The following DNAH1 variants were observed in gnomAD, a reference collection of about 807,000 sequenced individuals.
DNAH1 encodes the protein dynein axonemal heavy chain 1.
In DNAH1, 327 loss-of-function variants were observed where a neutral mutation model predicts 484.3. The observed-to-expected ratio is 0.68, with a 90% CI of 0.62 to 0.74. The LOEUF (loss-of-function observed/expected upper bound fraction) is 0.74, where lower values mean the gene tolerates loss of function less well. Ranked by LOEUF, DNAH1 falls within the 30% of genes least tolerant of loss-of-function variation. DNAH1 has a pLI of 0.00. For synonymous variants in DNAH1, 2,192 were observed against 2,191.9 expected (o/e 1.00, Z 0.00); for missense variants, 5,052 against 5,546.8 (o/e 0.91, Z 2.83).
At chr3:52,370,873 T>C (rs768565576) in intron 41 of DNAH1, 48 bp downstream of exon 41, 1 of 1,535,132 alleles carries the variant, frequency 6.5e-7, no homozygotes, top group South Asian at 1.2e-5. Context: ...GACCACTGGG[T>C]GGCTGCTGTT....
chr3:52,386,635 T>C, intron 55 of DNAH1, 27 bp from the exon 56 acceptor site: 1 of 1,536,256 alleles, frequency 6.5e-7, no homozygotes, highest in Non-Finnish European at 8.8e-7. Context: ...GGTCTGAGTC[T>C]TCCCCACTTG....
intron 34 of DNAH1, among the ~76,000 whole-genome samples, chr3:52,365,578 A>T (rs142072426): frequency 6.6e-6 from 1 of 152,068 alleles, no homozygotes; most frequent in African/African-American, 2.4e-5. Context: ...ACTCCCTCTC[A>T]TCCCGAACCC....
At chr3:52,387,526 G>A (rs1369675476) in intron 56 of DNAH1, among the ~76,000 whole-genome samples, 1 of 152,166 alleles carries the variant, frequency 6.6e-6, no homozygotes, top group Non-Finnish European at 1.5e-5. Flanking sequence ...CATTTAAGCA[G>A]CATCTGGACC....
chr3:52,346,654 C>T lies in DNAH1; in HGVS notation c.1839C>T (p.Phe613=). The T allele has an allele frequency of 4.3e-6, 7 of 1,614,084 alleles. No homozygotes were observed. Among genetic ancestry groups the T allele is most frequent in the Non-Finnish European group, 5.9e-6 (7 of 1,179,898 alleles). Residue 613 remains phenylalanine (F), a synonymous_variant, in exon 11 of 78, where the codon TTC becomes TTT. Coordinates refer to ENST00000420323, the MANE Select transcript of DNAH1 (RefSeq NM_015512.5). The stretch of plus-strand genomic sequence containing the variant: ...ACATGCTGCAGGACACACTGCGCTT[C>T]CTGGTGCAGGACTCACTTGCCAGCT... ...VKYMLQDTLR[F]LVQDSLASFS...
intron 8 of DNAH1, among the ~76,000 whole-genome samples, chr3:52,342,125 G>A (rs79810422): frequency 0.018 from 2,738 of 152,350 alleles, 59 homozygotes; most frequent in Non-Finnish European, 0.019. Flanking sequence ...GGAAGAAGAG[G>A]ATTCTGGCAG....
chr3:52,385,421 A>C lies in DNAH1; in HGVS notation c.8599A>C (p.Thr2867Pro). The part of the protein sequence containing the change: ...HPLLEEAAKD[T>P]MLTMEQIKVD... ...CCTGCTGGAGGAGGCTGCCAAGGAC[A>C]CCATGCTCACCATGGAGCAGATCAA... The change falls in exon 54 of 78, where the codon ACC (threonine) becomes CCC (proline). Residue 2867 changes from threonine to proline, a missense_variant. Physicochemically the swap from Thr to Pro is conservative, Grantham distance 38 (BLOSUM62 -1). Around this residue, in one of 4 missense-constraint regions of DNAH1, gnomAD observed 2,929 missense variants for 3,409.4 expected, o/e 0.86. Transcript: ENST00000420323. 1 of 1,551,992 alleles carries C rather than the reference A, an allele frequency of 6.4e-7. No homozygotes were observed. Among genetic ancestry groups the C allele is most frequent in the Non-Finnish European group, 8.7e-7 (1 of 1,147,166 alleles).
At chr3:52,378,825 C>T (rs569327509) in intron 47 of DNAH1, 45 bp downstream of exon 47, 62 of 1,607,812 alleles carry the variant, frequency 3.9e-5, no homozygotes, top group Middle Eastern at 1.7e-4. Flanking sequence ...CACTGCTCTC[C>T]GCATCCTCCC....
At chr3:52,348,846 G>T in intron 12 of DNAH1, 42 bp from the exon 13 acceptor site, 1 of 1,596,000 alleles carries the variant, frequency 6.3e-7, no homozygotes, top group Non-Finnish European at 8.5e-7. Flanking sequence ...TTCACCCCCT[G>T]GCTCATCCAG....
Position 52,370,522 on chromosome 3 carries a change from T to G in DNAH1, c.6304T>G (p.Leu2102Val), listed in dbSNP as rs1193534105. 1 of 1,613,644 alleles carries G rather than the reference T, an allele frequency of 6.2e-7. No homozygotes were observed. Among genetic ancestry groups the G allele is most frequent in the Non-Finnish European group, 8.5e-7 (1 of 1,179,860 alleles). ...PSEKLSRIVE[L>V]IEPWFIFSLI... ...TGAAAAGCTGAGTCGCATCGTAGAG[T>G]TGATCGAGCCCTGGTTCATCTTCTC... Residue 2102 changes from leucine (L) to valine (V), a missense_variant, in exon 40 of 78, where the codon TTG (leucine) becomes GTG (valine). Leu to Val is a conservative substitution (Grantham distance 32). Transcript: ENST00000420323.
chr3:52,389,470 C>A lies in DNAH1; in HGVS notation c.9505C>A (p.Arg3169Ser). 2 of 1,610,676 alleles carry A rather than the reference C, an allele frequency of 1.2e-6. No individual in the cohort carries two copies. Among genetic ancestry groups the A allele is most frequent in the Non-Finnish European group, 1.7e-6 (2 of 1,178,686 alleles). ...TCTGGCATCTCCCCAGGGCCAGTAC[C>A]GCACGGTGCTCTACGACAGCTGGGT... ...AYLGPFTGQY[R>S]TVLYDSWVKQ... Residue 3169 changes from arginine to serine, a missense_variant, in exon 60 of 78, where the codon CGC becomes AGC. Coordinates refer to ENST00000420323, the MANE Select transcript of DNAH1 (RefSeq NM_015512.5).
chr3:52,358,829 G>T lies in DNAH1; in HGVS notation c.4266+92G>T. ...CTGCTCTAGCCGGCCTCGTCCTCAG[G>T]CTGCAGCCCTGAGGTCCCTGGGGGC... On this transcript the variant is annotated intron_variant, in intron 25 of 77. Transcript: ENST00000420323. The surrounding 1 kb of genome is among the most constrained non-coding windows in gnomAD (Gnocchi z 4.2). 2.0e-6 allele frequency: 3 copies of T among 1,501,726 alleles called. No homozygotes were observed. In the South Asian group the frequency reaches 3.6e-5, roughly 18 times the overall value. 93.0% of individuals were successfully genotyped at this position (1,501,726 alleles called of 1,614,324 possible).
chr3:52,311,564 A>G (rs1413621287), upstream of DNAH1, among the ~76,000 whole-genome samples: 1 of 152,078 alleles, frequency 6.6e-6, no homozygotes, highest in Admixed American at 6.5e-5. Context: ...GCCTTTTTGC[A>G]TCTCCAGTTT....
In DNAH1 at chr3:52,359,302, C is replaced by T. The variant is rs1295913708; in HGVS notation, c.4323C>T (p.Cys1441=). Residue 1441 remains cysteine, a synonymous_variant, in exon 26 of 78, where the codon TGC becomes TGT. Coordinates refer to ENST00000420323, the MANE Select transcript of DNAH1 (RefSeq NM_015512.5). ...CTGGCCAGGTGACCATCGCTGGGTG[C>T]CAGACCTACTGGACCATGGAGGTGG... ...NWPGQVTIAG[C]QTYWTMEVAE... 4.5e-6 allele frequency: 7 copies of T among 1,569,168 alleles called. No individual in the cohort carries two copies. Among genetic ancestry groups the T allele is most frequent in the East Asian group, 2.4e-5 (1 of 42,366 alleles).
At chr3:52,398,706 G>A in intron 75 of DNAH1, 144 bp from the exon 76 acceptor site, 1 of 664,544 alleles carries the variant, frequency 1.5e-6, no homozygotes, top group Non-Finnish European at 2.4e-6. Context: ...GCTGGGATTT[G>A]TACCCAGGCC....
rs757059388 is a variant in DNAH1 at position 52,351,950 on chromosome 3, C to T, written c.2730-12C>T. On this transcript the variant is annotated splice_polypyrimidine_tract_variant and intron_variant, in intron 16 of 77. Transcript: ENST00000420323. ...CGATATTTCTCCCAATCCCCACCCC[C>T]ATCCCGGCCAGATGGATTGCCAGCA... is the stretch of plus-strand genomic sequence containing the variant. 2 of 1,597,476 alleles carry T rather than the reference C, an allele frequency of 1.3e-6. No homozygotes were observed. Among genetic ancestry groups the T allele is most frequent in the African/African-American group, 1.3e-5 (1 of 74,526 alleles).
Position 52,323,679 on chromosome 3 carries a change from C to A in DNAH1, c.334-129C>A, listed in dbSNP as rs777863085. 159 of 632,662 alleles carry A rather than the reference C, an allele frequency of 2.5e-4. 1 individual carries two copies. The highest frequency in any genetic ancestry group is 1.9e-3 in the Middle Eastern group (6 of 3,186). The allele number at this position is 632,662 out of a possible 1,614,324, so 39.2% of individuals were successfully genotyped here. A position where few individuals can be genotyped will look rare whatever the true frequency, so the allele number is the denominator to read the frequency against. On this transcript the variant is annotated intron_variant, in intron 2 of 77. Transcript: ENST00000420323. ...GAATTGTGCATACTCACTGGTTCTGCCCACTCCTGTGCTCCTGGAGTGCTC... is the reference window on the plus strand; with the variant it reads ...GAATTGTGCATACTCACTGGTTCTGACCACTCCTGTGCTCCTGGAGTGCTC...
In DNAH1 at chr3:52,364,617, C is replaced by T; in HGVS notation, c.5245-21C>T. ...TGGAGAGGGACAGTGCTCACCCATG[C>T]CTCCTTCTGTATGGCGACAGGATCA... On this transcript the variant is annotated intron_variant, in intron 32 of 77. Transcript: ENST00000420323. The surrounding 1 kb of genome is among the most constrained non-coding windows in gnomAD (Gnocchi z 4.2). 6.2e-7 allele frequency: 1 copy of T among 1,613,402 alleles called. No individual in the cohort carries two copies. The highest frequency in any genetic ancestry group is 8.5e-7 in the Non-Finnish European group (1 of 1,179,458).
Position 52,350,609 on chromosome 3 carries a change from C to A in DNAH1, c.2729+19C>A, listed in dbSNP as rs777686438. On this transcript the variant is annotated intron_variant, in intron 16 of 77. Transcript: ENST00000420323. ...ATGACAAGTGAGTGGGAGCTTGGCC[C>A]CCATGCCAGGTGCGGGGTGGAGCAT... 2 of 1,611,644 alleles carry A rather than the reference C, an allele frequency of 1.2e-6. No individual in the cohort carries two copies. Among genetic ancestry groups the A allele is most frequent in the South Asian group, 2.2e-5 (2 of 90,646 alleles).
chr3:52,395,673 G>A lies in DNAH1; in HGVS notation c.11254G>A (p.Asp3752Asn), dbSNP rs371889881. The A allele has an allele frequency of 3.7e-6, 6 of 1,613,190 alleles. No individual in the cohort carries two copies. Among genetic ancestry groups the A allele is most frequent in the East Asian group, 2.2e-5 (1 of 44,860 alleles). ...ACGCCTCATCGAGCACATCAACCCC[G>A]ACAAGGTGTGTTGCCCTGCCCATCA... is the stretch of plus-strand genomic sequence containing the variant. ...LERLIEHINP[D>N]KVHRDFRLWL... Residue 3752 changes from aspartate (D) to asparagine (N), a missense_variant, in exon 70 of 78, where the codon GAC becomes AAC. This residue lies in a region of DNAH1 where 853 missense variants were observed against 899.0 expected (regional missense o/e 0.95). Transcript: ENST00000420323. This position sits in a 1 kb window ranked among gnomAD's most constrained non-coding sequence, Gnocchi z 4.4.
Sources: gnomAD v4.1 joint callset for allele counts (sites outside exome capture counted in the v4.1 genomes callset) on GRCh38, gnomAD v4.1.1 for gene constraint, gnomAD v4.1.1 regional missense constraint, Gnocchi (gnomAD v3.1) non-coding constraint, MANE v1.5 for transcripts, NCBI Gene and HGNC (gene_info 2026-07-23, HGNC 2026-07-21) for gene names.